Variants in CTXND1 observed in about 807,000 individuals in gnomAD.
CTXND1 encodes the protein cortexin domain-containing 1 protein.
intron 1 of CTXND1, among the ~76,000 whole-genome samples, chr15:80,205,215 G>A (rs71397598): frequency 0.015 from 2,253 of 152,148 alleles, 23 homozygotes; most frequent in South Asian, 0.028. Context: ...GTATTTTGTT[G>A]TACGGATATC....
At chr15:80,231,625 C>A (rs137899330) in intron 1 of CTXND1, among the ~76,000 whole-genome samples, 1 of 152,018 alleles carries the variant, frequency 6.6e-6, no homozygotes, top group Non-Finnish European at 1.5e-5. Context: ...GCTGTATAAT[C>A]GTAATTTTGA....
At chr15:80,228,314 A>G (rs895853880) in intron 1 of CTXND1, among the ~76,000 whole-genome samples, 3 of 152,340 alleles carry the variant, frequency 2.0e-5, no homozygotes, top group Middle Eastern at 3.4e-3. Context: ...ATGAATCATG[A>G]ATGTTCTTAA....
At chr15:80,235,790 C>A (rs190338909) in intron 1 of CTXND1, among the ~76,000 whole-genome samples, 1 of 151,862 alleles carries the variant, frequency 6.6e-6, no homozygotes, top group African/African-American at 2.4e-5. Context: ...TGTGGCTCTG[C>A]CCCTCACTGA....
intron 1 of CTXND1, among the ~76,000 whole-genome samples, chr15:80,238,135 GT>G (rs1257241422): frequency 1.3e-5 from 2 of 151,892 alleles, no homozygotes; most frequent in Non-Finnish European, 2.9e-5. Flanking sequence ...TAAGTGTACA[GT>G]ATTTATAAAG....
intron 1 of CTXND1, among the ~76,000 whole-genome samples, chr15:80,232,664 G>A (rs1252465510): frequency 2.0e-5 from 3 of 152,144 alleles, no homozygotes; most frequent in Non-Finnish European, 4.4e-5. Context: ...TGCTCTGTCT[G>A]TGCCCTGAAG....
chr15:80,211,990 A>G (rs1257735248), intron 1 of CTXND1, among the ~76,000 whole-genome samples: 1 of 152,132 alleles, frequency 6.6e-6, no homozygotes, highest in African/African-American at 2.4e-5. Context: ...TGCTTCACCC[A>G]TGTGTATAGA....
chr15:80,236,896 G>C (rs1893504895), intron 1 of CTXND1, among the ~76,000 whole-genome samples: 1 of 152,112 alleles, frequency 6.6e-6, no homozygotes, highest in African/African-American at 2.4e-5. Flanking sequence ...TTGTGGCAAT[G>C]CTGTTGTAAA....
At chr15:80,249,969 A>T (rs1363157448) in intron 1 of CTXND1, among the ~76,000 whole-genome samples, 1 of 152,236 alleles carries the variant, frequency 6.6e-6, no homozygotes, top group South Asian at 2.1e-4. Context: ...TATTAGGAGC[A>T]TTAACCTCAG....
At chr15:80,240,221 TC>T (rs1320677599) in intron 1 of CTXND1, among the ~76,000 whole-genome samples, 5 of 152,178 alleles carry the variant, frequency 3.3e-5, no homozygotes, top group African/African-American at 1.2e-4. Flanking sequence ...TGCCTCGGCC[TC>T]CCAAAGTGGT....
intron 1 of CTXND1, among the ~76,000 whole-genome samples, chr15:80,225,533 C>G (rs1893362742): frequency 6.6e-6 from 1 of 152,072 alleles, no homozygotes; most frequent in African/African-American, 2.4e-5. Context: ...ATTTCTTTCT[C>G]TCATAGGTTG....
chr15:80,245,473 A>C (rs1429937838), intron 1 of CTXND1, among the ~76,000 whole-genome samples: 4 of 152,326 alleles, frequency 2.6e-5, no homozygotes, highest in Non-Finnish European at 5.9e-5. Flanking sequence ...TGGTTGGGAC[A>C]GCTGGCTCCT....
chr15:80,229,897 G>A (rs978004392), intron 1 of CTXND1, among the ~76,000 whole-genome samples: 5 of 152,178 alleles, frequency 3.3e-5, no homozygotes, highest in African/African-American at 7.2e-5. Flanking sequence ...GTTGGAAAAT[G>A]CTAAGTATTA....
intron 1 of CTXND1, among the ~76,000 whole-genome samples, chr15:80,213,272 G>A (rs950641033): frequency 3.3e-5 from 5 of 152,188 alleles, no homozygotes; most frequent in South Asian, 2.1e-4. Context: ...GTTGGAATGA[G>A]GTGAATATAT....
chr15:80,209,138 T>A (rs2142124254), intron 1 of CTXND1, among the ~76,000 whole-genome samples: 1 of 152,274 alleles, frequency 6.6e-6, no homozygotes, highest in South Asian at 2.1e-4. Flanking sequence ...TGGTGACATA[T>A]CCCAGGGGAG....
Position 80,206,201 on chromosome 15 carries a change from C to T in CTXND1, c.-217-2461G>A, listed in dbSNP as rs74736802. 2.1e-3 allele frequency among the ~76,000 whole-genome samples: 318 copies of T among 152,276 alleles called. 2 individuals carry two copies. The highest frequency in any genetic ancestry group is 3.7e-3 in the Non-Finnish European group (249 of 68,018). ...TACACTTCACTTCAAAGCACTTCAG[C>T]GTGTGTATCATTAACTAGAATTCAA... On this transcript the variant is annotated intron_variant, in intron 1 of 2. Transcript: ENST00000560778.
At chr15:80,218,669 A>G (rs1271529522) in intron 1 of CTXND1, among the ~76,000 whole-genome samples, 1 of 151,970 alleles carries the variant, frequency 6.6e-6, no homozygotes, top group East Asian at 1.9e-4. Flanking sequence ...TTAAACATGT[A>G]CAAAATCTGA....
At chr15:80,206,321 C>G (rs1257193927) in intron 1 of CTXND1, among the ~76,000 whole-genome samples, 1 of 152,072 alleles carries the variant, frequency 6.6e-6, no homozygotes, top group Non-Finnish European at 1.5e-5. Context: ...AATGTATATA[C>G]CCTTGTAGCA....
chr15:80,214,482 A>G (rs956458924), intron 1 of CTXND1, among the ~76,000 whole-genome samples: 11 of 152,234 alleles, frequency 7.2e-5, no homozygotes, highest in African/African-American at 2.4e-4. Context: ...AAAGTAGTAA[A>G]CAAAACAACA....
intron 1 of CTXND1, among the ~76,000 whole-genome samples, chr15:80,226,842 G>A (rs1031200312): frequency 5.3e-5 from 8 of 152,134 alleles, no homozygotes; most frequent in African/African-American, 1.7e-4. Context: ...TGTTTTCCAT[G>A]ACTGCTACAG....
Sources: allele counts gnomAD v4.1 joint callset (sites outside exome capture counted in the v4.1 genomes callset), GRCh38; gene constraint gnomAD v4.1.1; transcripts MANE v1.5; gene names NCBI Gene and HGNC (gene_info 2026-07-23, HGNC 2026-07-21).